Variants in CNTN6 observed in about 807,000 individuals in gnomAD.
The protein encoded by CNTN6 is contactin 6.
CNTN6 carries 137 observed loss-of-function variants against 122.8 expected under a neutral mutation model. That is an observed-to-expected ratio of 1.12 (90% CI 0.97 to 1.29). The LOEUF (loss-of-function observed/expected upper bound fraction) is 1.29, where lower values mean the gene tolerates loss of function less well. Ranked by LOEUF, CNTN6 falls within the 50% of genes most tolerant of loss-of-function variation. CNTN6 has a pLI of 0.00. For synonymous variants in CNTN6, 570 were observed against 426.0 expected (o/e 1.34, Z -4.16); for missense variants, 1,634 against 1,223.4 (o/e 1.34, Z -5.01).
chr3:1,128,305 T>C (rs965733144), intron 1 of CNTN6: 2 of 151,990 alleles, frequency 1.3e-5, no homozygotes, highest in Non-Finnish European at 2.9e-5. Context: ...CATCTGATGA[T>C]ACCCTGAGGA....
At chr3:1,291,714 A>G (rs184847656) in intron 5 of CNTN6, among the ~76,000 whole-genome samples, 47 of 152,284 alleles carry the variant, frequency 3.1e-4, no homozygotes, top group Middle Eastern at 6.8e-3. Context: ...ATTTCAAACA[A>G]AAACCTTTGA....
intron 2 of CNTN6, among the ~76,000 whole-genome samples, chr3:1,208,557 G>A (rs2093989276): frequency 6.6e-6 from 1 of 151,952 alleles, no homozygotes; most frequent in African/African-American, 2.4e-5. Context: ...TACTTATCCT[G>A]TAATATTGTA....
chr3:1,145,583 T>A (rs558540703), intron 1 of CNTN6, among the ~76,000 whole-genome samples: 318 of 152,318 alleles, frequency 2.1e-3, no homozygotes, highest in Admixed American at 3.7e-3. Flanking sequence ...AGTCTATTGA[T>A]AATTCTGCCA....
In CNTN6 at chr3:1,270,674, T is replaced by G. The variant is rs375313593; in HGVS notation, c.359-7739T>G. On this transcript the variant is annotated intron_variant, in intron 4 of 22. Transcript: ENST00000446702. ...CAGAAGGATTCTCAAAGGGGGGAAATAGTATTTGGTTGACGGAAACCAGAA... is the reference window on the plus strand; with the variant it reads ...CAGAAGGATTCTCAAAGGGGGGAAAGAGTATTTGGTTGACGGAAACCAGAA... 3.0e-4 allele frequency among the ~76,000 whole-genome samples: 46 copies of G among 152,262 alleles called. No homozygotes were observed. In the East Asian group the frequency reaches 6.4e-3, roughly 21 times the overall value.
chr3:1,283,618 T>C (rs545352352), intron 5 of CNTN6, among the ~76,000 whole-genome samples: 3 of 152,278 alleles, frequency 2.0e-5, no homozygotes, highest in South Asian at 4.1e-4. Flanking sequence ...ATACATGTTA[T>C]CTACAATAAT....
At chr3:1,261,706 A>G (rs1220492950) in intron 4 of CNTN6, among the ~76,000 whole-genome samples, 2 of 152,180 alleles carry the variant, frequency 1.3e-5, no homozygotes, top group African/African-American at 4.8e-5. Context: ...TGGGGCACCT[A>G]CAGTGGCTGC....
At chr3:1,358,568 A>G (rs2126095555) in intron 12 of CNTN6, among the ~76,000 whole-genome samples, 1 of 152,014 alleles carries the variant, frequency 6.6e-6, no homozygotes, top group South Asian at 2.1e-4. Context: ...AGTAGTTACC[A>G]AATGCTTTCA....
intron 4 of CNTN6, among the ~76,000 whole-genome samples, chr3:1,277,474 C>G (rs1692617790): frequency 6.7e-6 from 1 of 150,054 alleles, no homozygotes; most frequent in South Asian, 2.1e-4. Context: ...ATTCTCATGC[C>G]TCAGCCTCCT....
Position 1,201,065 on chromosome 3 carries a change from G to C in CNTN6, c.56-19622G>C, listed in dbSNP as rs146003758. Among the ~76,000 whole-genome samples the C allele has an allele frequency of 2.2e-3, 332 of 151,198 alleles. 2 individuals are homozygous for C. The highest frequency in any genetic ancestry group is 7.6e-3 in the African/African-American group (311 of 41,178). Reference sequence around the variant, plus strand: ...CCTCAGCCTCCTGAGTAGAGTAGCTGGGACTACAGGCACCACTGTGCCCAG... The same window carrying C: ...CCTCAGCCTCCTGAGTAGAGTAGCTCGGACTACAGGCACCACTGTGCCCAG... On this transcript the variant is annotated intron_variant, in intron 2 of 22. Transcript: ENST00000446702.
intron 7 of CNTN6, among the ~76,000 whole-genome samples, chr3:1,320,446 C>T (rs1431257281): frequency 1.3e-5 from 2 of 151,652 alleles, no homozygotes; most frequent in African/African-American, 4.8e-5. Flanking sequence ...TTGTTTACTG[C>T]TCAAACTCTC....
intron 1 of CNTN6, among the ~76,000 whole-genome samples, chr3:1,117,552 AT>A (rs1303828451): frequency 6.6e-6 from 1 of 152,148 alleles, no homozygotes; most frequent in Non-Finnish European, 1.5e-5. Context: ...ATATGTGAAA[AT>A]TGGGAACTTT....
intron 20 of CNTN6, among the ~76,000 whole-genome samples, chr3:1,388,103 G>C (rs1008490920): frequency 3.3e-5 from 5 of 152,114 alleles, no homozygotes; most frequent in South Asian, 2.1e-4. Context: ...TCCACCTCTC[G>C]GGGCAGGGCA....
intron 1 of CNTN6, among the ~76,000 whole-genome samples, chr3:1,110,701 A>C (rs1307433978): frequency 6.6e-6 from 1 of 151,936 alleles, no homozygotes; most frequent in African/African-American, 2.4e-5. Flanking sequence ...AAAAAATATG[A>C]GGAGCAGGTT....
intron 7 of CNTN6, among the ~76,000 whole-genome samples, chr3:1,316,491 T>C (rs892153742): frequency 6.6e-6 from 1 of 151,746 alleles, no homozygotes; most frequent in Non-Finnish European, 1.5e-5. Flanking sequence ...ACCACGGAGA[T>C]AGTGCTAAAC....
intron 2 of CNTN6, among the ~76,000 whole-genome samples, chr3:1,214,412 G>T (rs185889527): frequency 6.9e-6 from 1 of 144,766 alleles, no homozygotes; most frequent in South Asian, 2.2e-4. Flanking sequence ...GAGTTCAAGC[G>T]ATTCTCCTGC....
intron 1 of CNTN6, among the ~76,000 whole-genome samples, chr3:1,109,841 A>C (rs1378194203): frequency 6.6e-6 from 1 of 152,054 alleles, no homozygotes; most frequent in Non-Finnish European, 1.5e-5. Context: ...GAAACTAAAG[A>C]GATTTAATTT....
intron 5 of CNTN6, among the ~76,000 whole-genome samples, chr3:1,280,653 C>T (rs903021898): frequency 4.0e-5 from 6 of 151,522 alleles, no homozygotes; most frequent in Admixed American, 2.0e-4. Flanking sequence ...TTAGTAGAGA[C>T]GGGTTTTCGC....
intron 12 of CNTN6, among the ~76,000 whole-genome samples, chr3:1,369,015 A>G (rs1225761751): frequency 6.6e-6 from 1 of 151,974 alleles, no homozygotes; most frequent in Non-Finnish European, 1.5e-5. Context: ...TCACTCCTCT[A>G]TTACTCTGTG....
At chr3:1,101,079 A>G (rs979251065) in intron 1 of CNTN6, among the ~76,000 whole-genome samples, 4 of 152,140 alleles carry the variant, frequency 2.6e-5, no homozygotes, top group Non-Finnish European at 4.4e-5. Context: ...GGCTCTACAA[A>G]TATCTCTGGT....
Sources: gnomAD v4.1 joint callset for allele counts (sites outside exome capture counted in the v4.1 genomes callset) on GRCh38, gnomAD v4.1.1 for gene constraint, MANE v1.5 for transcripts, NCBI Gene and HGNC (gene_info 2026-07-23, HGNC 2026-07-21) for gene names.